The following NCMAP variants were observed in gnomAD, a reference collection of about 807,000 sequenced individuals.
The protein encoded by NCMAP is non-compact myelin associated protein, also known as noncompact myelin-associated protein.
Under a neutral mutation model 7.8 loss-of-function variants are expected in NCMAP, and 8 were observed. The ratio of observed to expected loss-of-function variants is 1.02; its 90% CI spans 0.60 to 1.84. NCMAP has a LOEUF of 1.84. NCMAP is among the 40% of genes most tolerant of loss of function. The pLI is 0.00. For missense variants in NCMAP, 112 were observed against 131.4 expected (o/e 0.85, Z 0.72); for synonymous variants, 41 against 52.9 (o/e 0.78, Z 0.98).
chr1:24,599,095 C>T (rs1052686928), intron 2 of NCMAP, among the ~76,000 whole-genome samples: 1 of 150,780 alleles, frequency 6.6e-6, no homozygotes, highest in African/African-American at 2.4e-5. Context: ...GCCTGGCCAA[C>T]ATGGTGAAAC....
chr1:24,602,584 A>AAAG (rs1177379464), intron 3 of NCMAP, among the ~76,000 whole-genome samples: 1 of 134,730 alleles, frequency 7.4e-6, no homozygotes, highest in Non-Finnish European at 1.5e-5. Context: ...AAAAAAAAAA[A>AAAG]AAAAAAAAGA....
chr1:24,583,280 CT>C (rs1651791429), intron 1 of NCMAP, among the ~76,000 whole-genome samples: 1 of 152,120 alleles, frequency 6.6e-6, no homozygotes, highest in Non-Finnish European at 1.5e-5. Context: ...GCTGAATATC[CT>C]ATAATGCACA....
intron 3 of NCMAP, among the ~76,000 whole-genome samples, 192 bp downstream of exon 3, chr1:24,601,216 T>G (rs1216573889): frequency 6.6e-6 from 1 of 152,216 alleles, no homozygotes; most frequent in Non-Finnish European, 1.5e-5. Flanking sequence ...ATTTTTGTAC[T>G]TGGAGAAATA....
intron 1 of NCMAP, among the ~76,000 whole-genome samples, chr1:24,580,374 G>A (rs1007952682): frequency 6.6e-6 from 1 of 152,170 alleles, no homozygotes; most frequent in Non-Finnish European, 1.5e-5. Context: ...TCTGCAGGGT[G>A]GAGGAGGCCC....
chr1:24,574,834 C>G (rs942332733), intron 1 of NCMAP, among the ~76,000 whole-genome samples: 1 of 145,530 alleles, frequency 6.9e-6, no homozygotes. Context: ...CTCACACTGT[C>G]GCCCAGTCTG....
In NCMAP at chr1:24,599,553, A is replaced by C. The variant is rs146204145; in HGVS notation, c.83-1387A>C. Reference sequence around the variant, plus strand: ...GAAAGATGATTATGATATTGTTATAAAACAGTATGTGAAACATGGCTCCTT... The same window carrying C: ...GAAAGATGATTATGATATTGTTATACAACAGTATGTGAAACATGGCTCCTT... On this transcript the variant is annotated intron_variant, in intron 2 of 3. Transcript: ENST00000374392. 4.8e-4 allele frequency among the ~76,000 whole-genome samples: 73 copies of C among 152,266 alleles called. No homozygotes were observed. In the East Asian group the frequency reaches 0.013, roughly 28 times the overall value.
In NCMAP at chr1:24,592,183, C is replaced by T. The variant is rs907191331; in HGVS notation, c.-7-3241C>T. On this transcript the variant is annotated intron_variant, in intron 1 of 3. Coordinates refer to ENST00000374392, the MANE Select transcript of NCMAP (RefSeq NM_001010980.5). The stretch of plus-strand genomic sequence containing the variant: ...CAGAGGGTGGTGTGAGTAGCTGAGA[C>T]GCTGGAAACAGAGGGTAGAACCAGC... Among the ~76,000 whole-genome samples, 7 of 152,196 alleles carry T rather than the reference C, an allele frequency of 4.6e-5. 1 individual carries two copies. In the South Asian group the frequency reaches 6.2e-4, roughly 14 times the overall value.
chr1:24,568,030 C>T (rs944129572), intron 1 of NCMAP, among the ~76,000 whole-genome samples: 7 of 152,172 alleles, frequency 4.6e-5, no homozygotes, highest in Admixed American at 3.9e-4. Flanking sequence ...CTCCCGTGAC[C>T]GCTCGTCACC....
intron 1 of NCMAP, among the ~76,000 whole-genome samples, chr1:24,593,059 T>C (rs1387196083): frequency 6.6e-6 from 1 of 151,670 alleles, no homozygotes; most frequent in East Asian, 1.9e-4. Context: ...GCCCTTGTAA[T>C]CCCAGCTACG....
At chr1:24,569,739 A>C (rs1281482547) in intron 1 of NCMAP, among the ~76,000 whole-genome samples, 1 of 150,686 alleles carries the variant, frequency 6.6e-6, no homozygotes, top group African/African-American at 2.5e-5. Context: ...TATACAAATA[A>C]AAATTTAAAC....
intron 1 of NCMAP, among the ~76,000 whole-genome samples, chr1:24,586,946 C>T (rs1651899406): frequency 6.6e-6 from 1 of 152,136 alleles, no homozygotes; most frequent in African/African-American, 2.4e-5. Context: ...ATATTGTGTA[C>T]AGCACTGTGC....
intron 3 of NCMAP, among the ~76,000 whole-genome samples, chr1:24,604,447 G>A (rs1170789366): frequency 6.7e-6 from 1 of 148,750 alleles, no homozygotes; most frequent in Non-Finnish European, 1.5e-5. Context: ...ATGGTGGTGT[G>A]CACCTGTAGT....
intron 1 of NCMAP, among the ~76,000 whole-genome samples, chr1:24,580,737 GC>G (rs1469122750): frequency 6.6e-6 from 1 of 152,226 alleles, no homozygotes; most frequent in Non-Finnish European, 1.5e-5. Flanking sequence ...GGAATGACAG[GC>G]GTGAGCCACT....
intron 1 of NCMAP, among the ~76,000 whole-genome samples, chr1:24,579,705 A>G (rs554536986): frequency 6.6e-6 from 1 of 152,326 alleles, no homozygotes; most frequent in African/African-American, 2.4e-5. Flanking sequence ...CTCCAGCCTG[A>G]GCAACAGGGT....
At chr1:24,597,672 A>AG (rs1557602706) in intron 2 of NCMAP, among the ~76,000 whole-genome samples, 60 of 99,646 alleles carry the variant, frequency 6.0e-4, no homozygotes, top group Middle Eastern at 8.9e-3. Context: ...AGAAAGAAAG[A>AG]AAAGAAAAAG....
intron 1 of NCMAP, among the ~76,000 whole-genome samples, chr1:24,569,575 C>T (rs1651330392): frequency 6.6e-6 from 1 of 150,658 alleles, no homozygotes; most frequent in Admixed American, 6.6e-5. Flanking sequence ...AAAGCATGAA[C>T]TGTGGTGTAC....
chr1:24,598,904 C>T (rs1317778662), intron 2 of NCMAP, among the ~76,000 whole-genome samples: 1 of 151,416 alleles, frequency 6.6e-6, no homozygotes, highest in Non-Finnish European at 1.5e-5. Flanking sequence ...TCCTAGAGTG[C>T]TGGGATTACA....
intron 1 of NCMAP, among the ~76,000 whole-genome samples, chr1:24,578,190 A>G (rs2148930121): frequency 6.9e-6 from 1 of 145,170 alleles, no homozygotes; most frequent in East Asian, 2.1e-4. Context: ...TGGGAGGCAG[A>G]GGTTGCAGTG....
chr1:24,586,694 G>A (rs562861495), intron 1 of NCMAP, among the ~76,000 whole-genome samples: 3 of 151,620 alleles, frequency 2.0e-5, no homozygotes, highest in South Asian at 2.1e-4. Context: ...CCCGGGAAAC[G>A]GAGGTTGCAG....
Sources: allele counts gnomAD v4.1 joint callset (sites outside exome capture counted in the v4.1 genomes callset), GRCh38; gene constraint gnomAD v4.1.1; transcripts MANE v1.5; gene names NCBI Gene and HGNC (gene_info 2026-07-23, HGNC 2026-07-21).